The following ARHGAP31 variants were observed in gnomAD, a reference collection of about 807,000 sequenced individuals.
ARHGAP31 encodes Rho GTPase activating protein 31, also known as rho GTPase-activating protein 31.
Under a neutral mutation model 113.9 loss-of-function variants are expected in ARHGAP31, and 34 were observed. That is an observed-to-expected ratio of 0.30 (90% CI 0.23 to 0.40). ARHGAP31 has a LOEUF of 0.40. Ranked by LOEUF, ARHGAP31 falls within the 10% of genes least tolerant of loss-of-function variation. The pLI, the probability that ARHGAP31 is intolerant of heterozygous loss-of-function variation, is 1.00. For synonymous variants in ARHGAP31, 650 were observed against 684.8 expected (o/e 0.95, Z 0.79); for missense variants, 1,548 against 1,767.1 (o/e 0.88, Z 2.22).
At position 119,414,502 on chromosome 3, in the gene ARHGAP31, G is replaced by A. The variant is rs373935539; in HGVS notation, c.2573G>A (p.Gly858Asp). The A allele has an allele frequency of 7.2e-5, 116 of 1,614,092 alleles. No individual in the cohort carries two copies. The highest frequency in any genetic ancestry group is 9.7e-5 in the Non-Finnish European group (114 of 1,180,040). The change falls in exon 12 of 12, where the codon GGC (glycine) becomes GAC (aspartate). Residue 858 changes from glycine to aspartate, a missense_variant. Gly to Asp is a moderately conservative substitution (Grantham distance 94, BLOSUM62 -1). Transcript: ENST00000264245. Reference sequence around the variant, plus strand: ...AAGAATGCTGCTTCTGAGGGGAAAGGCTGTGGTTTTCCAAGCCCAACCAGG... The same window carrying A: ...AAGAATGCTGCTTCTGAGGGGAAAGACTGTGGTTTTCCAAGCCCAACCAGG... ...NSKNAASEGK[G>D]CGFPSPTREV...
intron 6 of ARHGAP31, among the ~76,000 whole-genome samples, chr3:119,385,567 C>T (rs2080442547): frequency 6.6e-6 from 1 of 152,002 alleles, no homozygotes; most frequent in Non-Finnish European, 1.5e-5. Flanking sequence ...AAGTAATATG[C>T]ATACATTTAT....
intron 6 of ARHGAP31, among the ~76,000 whole-genome samples, chr3:119,387,316 T>A (rs560346736): frequency 1.4e-4 from 22 of 152,314 alleles, no homozygotes; most frequent in Admixed American, 1.2e-3. Context: ...TCCCCTCAGC[T>A]CCTATCTCTA....
At chr3:119,342,468 A>T (rs1375601809) in intron 1 of ARHGAP31, among the ~76,000 whole-genome samples, 2 of 152,208 alleles carry the variant, frequency 1.3e-5, no homozygotes, top group African/African-American at 4.8e-5. Context: ...TAAGGTTCTT[A>T]AAAAGGCTGG....
chr3:119,402,037 C>A lies in ARHGAP31; in HGVS notation c.1285C>A (p.Pro429Thr). 5 of 1,614,200 alleles carry A rather than the reference C, an allele frequency of 3.1e-6. No individual in the cohort carries two copies. Among genetic ancestry groups the A allele is most frequent in the Non-Finnish European group, 4.2e-6 (5 of 1,180,048 alleles). ...HLQGAQARPP[P>T]EQLKVFRPVE... is the part of the protein sequence containing the mutation. ...CCAGGGCGCTCAGGCCCGGCCCCCA[C>A]CGGAACAGCTGAAGGTTTTCCGGCC... Residue 429 changes from proline (P) to threonine (T), a missense_variant, in exon 10 of 12, where the codon CCG becomes ACG. Pro to Thr is a conservative substitution (Grantham distance 38, BLOSUM62 -1). Coordinates refer to ENST00000264245, the MANE Select transcript of ARHGAP31 (RefSeq NM_020754.4).
chr3:119,401,741 T>C (rs2080609231), intron 9 of ARHGAP31, 81 bp from the exon 10 acceptor site: 1 of 1,310,426 alleles, frequency 7.6e-7, no homozygotes, highest in East Asian at 2.4e-5. Flanking sequence ...TATTCAAATG[T>C]CGTGTGCCTG....
At chr3:119,321,933 G>A (rs2079791181) in intron 1 of ARHGAP31, among the ~76,000 whole-genome samples, 2 of 152,158 alleles carry the variant, frequency 1.3e-5, no homozygotes, top group South Asian at 2.1e-4. Context: ...GATTACAGGC[G>A]TGAGCCACCA....
intron 11 of ARHGAP31, among the ~76,000 whole-genome samples, chr3:119,413,039 G>A (rs759228814): frequency 8.6e-5 from 13 of 151,378 alleles, no homozygotes; most frequent in Admixed American, 4.0e-4. Context: ...ATTAAAGGCC[G>A]GGCATGGTGG....
chr3:119,400,897 A>G (rs1053825122), intron 9 of ARHGAP31, among the ~76,000 whole-genome samples: 8 of 152,164 alleles, frequency 5.3e-5, no homozygotes, highest in Non-Finnish European at 8.8e-5. Context: ...TGGTCTGGGC[A>G]TAGTGGCTCA....
chr3:119,374,135 A>C (rs1443523795), intron 3 of ARHGAP31, among the ~76,000 whole-genome samples: 1 of 152,184 alleles, frequency 6.6e-6, no homozygotes, highest in Non-Finnish European at 1.5e-5. Context: ...TCTCATGTTA[A>C]AGTGTAATCT....
At chr3:119,318,099 CA>C (rs779324945) in intron 1 of ARHGAP31, among the ~76,000 whole-genome samples, 1,730 of 94,500 alleles carry the variant, frequency 0.018, 21 homozygotes, top group African/African-American at 0.054. Flanking sequence ...TTGGTCTGTA[CA>C]AAAAAAAAAA....
intron 5 of ARHGAP31, 30 bp from the exon 6 acceptor site, chr3:119,383,054 C>G: frequency 6.2e-7 from 1 of 1,613,636 alleles, no homozygotes; most frequent in Non-Finnish European, 8.5e-7. Context: ...GGCAAACTCA[C>G]TAACTGAATA....
In ARHGAP31 at chr3:119,413,316, CAAAAAAAAAAA is replaced by C. The variant is rs369363243; in HGVS notation, c.1927-533_1927-523del. Among the ~76,000 whole-genome samples, 10 of 91,474 alleles carry C rather than the reference CAAAAAAAAAAA, an allele frequency of 1.1e-4. No individual in the cohort carries two copies. In the Admixed American group the frequency reaches 1.1e-3, roughly 10 times the overall value. The allele number at this position is 91,474 out of a possible 152,430, so 60.0% of individuals were successfully genotyped here. ...TGGATGATAACGCGAGACTCTGTCT[CAAAAAAAAAAA>C]AAAAAAGAAAATTAAAAAAGAACGA... On this transcript the variant is annotated intron_variant, in intron 11 of 11. Coordinates refer to ENST00000264245, the MANE Select transcript of ARHGAP31 (RefSeq NM_020754.4).
intron 1 of ARHGAP31, among the ~76,000 whole-genome samples, chr3:119,308,981 A>G (rs766243714): frequency 6.6e-6 from 1 of 152,010 alleles, no homozygotes; most frequent in African/African-American, 2.4e-5. Context: ...AGCTGGGACT[A>G]CAGGCATGCA....
intron 1 of ARHGAP31, among the ~76,000 whole-genome samples, chr3:119,301,091 C>G (rs77237216): frequency 0.024 from 3,666 of 152,310 alleles, 143 homozygotes; most frequent in African/African-American, 0.083. Context: ...GTAACTTACT[C>G]TGTGTAGTCT....
intron 1 of ARHGAP31, among the ~76,000 whole-genome samples, chr3:119,327,352 T>C (rs1306455611): frequency 6.6e-6 from 1 of 151,774 alleles, no homozygotes; most frequent in Non-Finnish European, 1.5e-5. Flanking sequence ...GAGATCAGCC[T>C]GGCCGACATG....
intron 1 of ARHGAP31, among the ~76,000 whole-genome samples, chr3:119,317,999 C>T (rs1003047984): frequency 6.6e-6 from 1 of 151,840 alleles, no homozygotes; most frequent in African/African-American, 2.4e-5. Context: ...TCAGTTTGTT[C>T]ACGGTTTTTA....
intron 1 of ARHGAP31, among the ~76,000 whole-genome samples, chr3:119,306,558 A>G (rs1015395013): frequency 6.6e-6 from 1 of 152,094 alleles, no homozygotes; most frequent in East Asian, 1.9e-4. Context: ...CTTTGTCTCA[A>G]AAAAAAAGTT....
At chr3:119,383,338 T>C in intron 6 of ARHGAP31, 112 bp downstream of exon 6, 1 of 1,368,448 alleles carries the variant, frequency 7.3e-7, no homozygotes, top group East Asian at 2.3e-5. Flanking sequence ...GAGTGTTGGC[T>C]GTGTGTATGC....
intron 6 of ARHGAP31, among the ~76,000 whole-genome samples, chr3:119,383,890 G>A (rs183005845): frequency 2.1e-4 from 32 of 152,326 alleles, no homozygotes; most frequent in African/African-American, 7.7e-4. Context: ...GTGCATGAGA[G>A]TGGTTTTCCA....
Sources: gnomAD v4.1 joint callset for allele counts (sites outside exome capture counted in the v4.1 genomes callset) on GRCh38, gnomAD v4.1.1 for gene constraint, MANE v1.5 for transcripts, NCBI Gene and HGNC (gene_info 2026-07-23, HGNC 2026-07-21) for gene names.